CLASP2: variants seen among roughly 807,000 people sequenced by gnomAD.
CLASP2 encodes cytoplasmic linker associated protein 2.
A neutral mutation model predicts 194.4 loss-of-function variants in CLASP2; 47 were observed. The observed-to-expected ratio is 0.24, with a 90% CI of 0.19 to 0.31. The LOEUF (loss-of-function observed/expected upper bound fraction) is 0.31. Among genes scored for constraint, CLASP2 ranks in the 10% least tolerant of loss-of-function variants. The pLI is 1.00. For synonymous variants in CLASP2, 619 were observed against 633.5 expected (o/e 0.98, Z 0.34); for missense variants, 1,445 against 1,823.6 (o/e 0.79, Z 3.78).
chr3:33,646,851 C>A (rs976776907), intron 7 of CLASP2, among the ~76,000 whole-genome samples: 8 of 152,246 alleles, frequency 5.3e-5, no homozygotes, highest in African/African-American at 1.9e-4. Context: ...CCTCGAGACT[C>A]CTAAAAGTCT....
At chr3:33,540,096 T>G (rs2058087173) in intron 32 of CLASP2, among the ~76,000 whole-genome samples, 1 of 151,424 alleles carries the variant, frequency 6.6e-6, no homozygotes, top group Non-Finnish European at 1.5e-5. Flanking sequence ...ATCAGGCTAA[T>G]TTTTTGTATT....
intron 6 of CLASP2, among the ~76,000 whole-genome samples, chr3:33,676,102 C>G (rs2088564507): frequency 6.6e-6 from 1 of 152,038 alleles, no homozygotes; most frequent in African/African-American, 2.4e-5. Context: ...TCATATGGAA[C>G]CAAAAAGAGC....
intron 1 of CLASP2, among the ~76,000 whole-genome samples, chr3:33,705,024 C>T (rs919827731): frequency 1.3e-5 from 2 of 151,928 alleles, no homozygotes; most frequent in African/African-American, 4.8e-5. Flanking sequence ...ACCACATGGC[C>T]CAGGAATTCC....
chr3:33,679,477 A>G (rs60543369), intron 6 of CLASP2, among the ~76,000 whole-genome samples: 1 of 152,320 alleles, frequency 6.6e-6, no homozygotes, highest in East Asian at 1.9e-4. Context: ...AATATTTGCA[A>G]AAGACACATC....
intron 29 of CLASP2, among the ~76,000 whole-genome samples, 175 bp from the exon 30 acceptor site, chr3:33,551,570 C>T (rs754660032): frequency 6.6e-4 from 101 of 152,152 alleles, no homozygotes; most frequent in Admixed American, 1.8e-3. Flanking sequence ...CCTCCCACCT[C>T]GGCCTCCCAA....
At chr3:33,609,573 A>G (rs2074658123) in intron 13 of CLASP2, among the ~76,000 whole-genome samples, 2 of 152,072 alleles carry the variant, frequency 1.3e-5, no homozygotes, top group Non-Finnish European at 2.9e-5. Flanking sequence ...TTCTTCCTTT[A>G]TTAACACTTT....
chr3:33,687,345 C>A (rs1369335665), intron 4 of CLASP2, among the ~76,000 whole-genome samples: 1 of 152,032 alleles, frequency 6.6e-6, no homozygotes. Context: ...AGTATGCAAA[C>A]CTGAATAATC....
intron 34 of CLASP2, among the ~76,000 whole-genome samples, chr3:33,531,760 A>T (rs996251648): frequency 6.6e-6 from 1 of 152,142 alleles, no homozygotes; most frequent in African/African-American, 2.4e-5. Context: ...AGACGACAAG[A>T]GCGAAACTCT....
chr3:33,645,315 T>A, intron 7 of CLASP2: 1 of 765,252 alleles, frequency 1.3e-6, no homozygotes, highest in Non-Finnish European at 2.4e-6. Flanking sequence ...AGTCGCCTCA[T>A]TCCTCTGAAA....
At chr3:33,595,911 A>C (rs2070202415) in intron 19 of CLASP2, among the ~76,000 whole-genome samples, 1 of 152,088 alleles carries the variant, frequency 6.6e-6, no homozygotes, top group African/African-American at 2.4e-5. Flanking sequence ...TAAATGTTCT[A>C]TCTCATTAAA....
intron 24 of CLASP2, 125 bp from the exon 25 acceptor site, chr3:33,573,479 T>C (rs1474762846): frequency 2.1e-6 from 2 of 953,192 alleles, no homozygotes; most frequent in Admixed American, 2.0e-5. Flanking sequence ...TCCTAATCAT[T>C]GTAATAACAG....
At chr3:33,504,147 G>A (rs1041401127) in intron 37 of CLASP2, 9 of 152,054 alleles carry the variant, frequency 5.9e-5, no homozygotes, top group Non-Finnish European at 1.0e-4. Context: ...TTTTTGATTA[G>A]GTCCTGAGAT....
chr3:33,521,860 T>A (rs1352154421), intron 34 of CLASP2, among the ~76,000 whole-genome samples: 2 of 149,376 alleles, frequency 1.3e-5, no homozygotes, highest in Non-Finnish European at 3.0e-5. Context: ...CAGCTCTCAG[T>A]ACAGTAGCAA....
At chr3:33,539,752 T>C (rs116053017) in intron 32 of CLASP2, among the ~76,000 whole-genome samples, 1,685 of 152,266 alleles carry the variant, frequency 0.011, 11 homozygotes, top group Middle Eastern at 0.031. Flanking sequence ...GAGAAGAGAC[T>C]CTAAGACCAT....
intron 15 of CLASP2, among the ~76,000 whole-genome samples, chr3:33,607,124 T>G (rs780189116): frequency 7.2e-4 from 110 of 152,176 alleles, no homozygotes; most frequent in Non-Finnish European, 1.4e-3. Flanking sequence ...CAATACAAAC[T>G]TGATAAGTGA....
chr3:33,599,819 C>T (rs2071531758), intron 18 of CLASP2, among the ~76,000 whole-genome samples: 1 of 152,072 alleles, frequency 6.6e-6, no homozygotes, highest in Non-Finnish European at 1.5e-5. Context: ...CATCCTTTAT[C>T]CAACCCCTGA....
intron 34 of CLASP2, 122 bp from the exon 35 acceptor site, chr3:33,517,296 A>C (rs933693462): frequency 2.7e-6 from 2 of 751,790 alleles, no homozygotes; most frequent in Non-Finnish European, 4.0e-6. Context: ...AAAAAGACAA[A>C]GAAAAAAGAC....
chr3:33,597,113 C>CA (rs1198901398), intron 18 of CLASP2, among the ~76,000 whole-genome samples: 1 of 152,134 alleles, frequency 6.6e-6, no homozygotes, highest in Non-Finnish European at 1.5e-5. Flanking sequence ...AATATACCCC[C>CA]AAATTCCACA....
At chr3:33,627,517 C>T (rs1029569629) in intron 9 of CLASP2, among the ~76,000 whole-genome samples, 13 of 152,108 alleles carry the variant, frequency 8.5e-5, no homozygotes, top group African/African-American at 3.1e-4. Context: ...AGGATAGCTA[C>T]ATTTTGTTTC....
Sources: gnomAD v4.1 joint callset for allele counts (sites outside exome capture counted in the v4.1 genomes callset) on GRCh38, gnomAD v4.1.1 for gene constraint, MANE v1.5 for transcripts, NCBI Gene and HGNC (gene_info 2026-07-23, HGNC 2026-07-21) for gene names.